The following RBM38 variants were observed in gnomAD, a reference collection of about 807,000 sequenced individuals.
RBM38 encodes the protein RNA-binding protein 38.
A neutral mutation model predicts 23.5 loss-of-function variants in RBM38; 11 were observed. That is an observed-to-expected ratio of 0.47 (90% CI 0.29 to 0.77). The LOEUF is 0.77. Among genes scored for constraint, RBM38 ranks in the 30% least tolerant of loss-of-function variants. RBM38 has a pLI of 0.08. For synonymous variants in RBM38, 165 were observed against 166.1 expected (o/e 0.99, Z 0.05); for missense variants, 330 against 351.9 (o/e 0.94, Z 0.50).
chr20:57,396,681 C>T (rs1215157023), intron 3 of RBM38, among the ~76,000 whole-genome samples: 2 of 152,128 alleles, frequency 1.3e-5, no homozygotes, highest in East Asian at 1.9e-4. Context: ...CTGGCCTCCA[C>T]CCCTAGAAGC....
intron 3 of RBM38, among the ~76,000 whole-genome samples, chr20:57,393,870 T>TGGG (rs1568805943): frequency 6.6e-6 from 1 of 152,174 alleles, no homozygotes; most frequent in Non-Finnish European, 1.5e-5. Context: ...GCCTGGCCTA[T>TGGG]GGGCTTCTAG....
At chr20:57,406,691 G>A (rs1401420961) in intron 3 of RBM38, among the ~76,000 whole-genome samples, 1 of 152,154 alleles carries the variant, frequency 6.6e-6, no homozygotes, top group Non-Finnish European at 1.5e-5. Flanking sequence ...TGCTGGCAGG[G>A]ACAGAAAGAA....
At chr20:57,400,179 C>T (rs184851831) in intron 3 of RBM38, among the ~76,000 whole-genome samples, 26 of 152,278 alleles carry the variant, frequency 1.7e-4, no homozygotes, top group Admixed American at 1.6e-3. Flanking sequence ...ATGGTCCATG[C>T]GACTTGGACA....
chr20:57,408,039 C>T lies in RBM38; in HGVS notation c.*193C>T, dbSNP rs911609507. The stretch of plus-strand genomic sequence containing the variant: ...AGACGGCTTCTCTTTAATCTAGGTC[C>T]CATTGTGTCTTGAGGGAGGACTTTA... On this transcript the variant is annotated 3_prime_UTR_variant, in exon 4 of 4. Coordinates refer to ENST00000356208, the MANE Select transcript of RBM38 (RefSeq NM_017495.6). 18 of 657,702 alleles carry T rather than the reference C, an allele frequency of 2.7e-5. No individual in the cohort carries two copies. Among genetic ancestry groups the T allele is most frequent in the Non-Finnish European group, 3.8e-5 (15 of 389,756 alleles). The allele number at this position is 657,702 out of a possible 1,614,324, so 40.7% of individuals were successfully genotyped here.
chr20:57,407,450 G>C lies in RBM38; in HGVS notation c.417-93G>C. 7.2e-7 allele frequency: 1 copy of C among 1,391,040 alleles called. No homozygotes were observed. The highest frequency in any genetic ancestry group is 9.8e-7 in the Non-Finnish European group (1 of 1,016,958). 86.2% of individuals were successfully genotyped at this position (1,391,040 alleles called of 1,614,324 possible). On this transcript the variant is annotated intron_variant, in intron 3 of 3. Coordinates refer to ENST00000356208, the MANE Select transcript of RBM38 (RefSeq NM_017495.6). The surrounding 1 kb of genome is among the most constrained non-coding windows in gnomAD (Gnocchi z 4.0). ...CCGATGAGGAAAGTCGGGGCTCGGGGTGGGGGGCGGCACGCATCGTGTACC... is the reference window on the plus strand; with the variant it reads ...CCGATGAGGAAAGTCGGGGCTCGGGCTGGGGGGCGGCACGCATCGTGTACC...
At chr20:57,399,932 G>A (rs770674148) in intron 3 of RBM38, 12 of 456,198 alleles carry the variant, frequency 2.6e-5, no homozygotes, top group East Asian at 1.4e-4. Context: ...TTTCAGAGGC[G>A]ACTTTATGTT....
Position 57,395,108 on chromosome 20 carries a change from G to C in RBM38, c.416+1775G>C, listed in dbSNP as rs184784542. Among the ~76,000 whole-genome samples, 555 of 152,366 alleles carry C rather than the reference G, an allele frequency of 3.6e-3. 4 individuals are homozygous for C. The highest frequency in any genetic ancestry group is 4.7e-3 in the Admixed American group (72 of 15,304). On this transcript the variant is annotated intron_variant, in intron 3 of 3. Transcript: ENST00000356208. ...ACAGGCATGTGGGCTGGGTGCTCTG[G>C]CCTCCTCAGAAGTCCTCTCCTGTCC...
At position 57,397,579 on chromosome 20, in the gene RBM38, G is replaced by A. The variant is rs1398981601; in HGVS notation, c.416+4246G>A. Among the ~76,000 whole-genome samples, 3 of 152,214 alleles carry A rather than the reference G, an allele frequency of 2.0e-5. No individual in the cohort carries two copies. The South Asian group carries it at 6.2e-4, about 31-fold the overall frequency. ...GCTGCCCTTACCATCACGGGGCCTTGGTGTGTGCACACCACGGGGCCTGGA... is the reference window on the plus strand; with the variant it reads ...GCTGCCCTTACCATCACGGGGCCTTAGTGTGTGCACACCACGGGGCCTGGA... On this transcript the variant is annotated intron_variant, in intron 3 of 3. Coordinates refer to ENST00000356208, the MANE Select transcript of RBM38 (RefSeq NM_017495.6).
Position 57,408,693 on chromosome 20 carries a change from T to TGGGATGGGCACCACAGAC in RBM38, c.*848_*865dup. On this transcript the variant is annotated 3_prime_UTR_variant, in exon 4 of 4. Transcript: ENST00000356208. ...GGCTCGCGGGCCAGGATCCTCTCGG[T>TGGGATGGGCACCACAGAC]GGGATGGGCACCACAGACAGGAGGC... 1 of 151,990 alleles carries TGGGATGGGCACCACAGAC rather than the reference T, an allele frequency of 6.6e-6. No homozygotes were observed. Among genetic ancestry groups the TGGGATGGGCACCACAGAC allele is most frequent in the African/African-American group, 2.4e-5 (1 of 41,296 alleles). The allele number at this position is 151,990 out of a possible 1,614,324, so 9.4% of individuals were successfully genotyped here.
intron 3 of RBM38, among the ~76,000 whole-genome samples, chr20:57,396,140 A>G (rs926484250): frequency 6.6e-6 from 1 of 152,130 alleles, no homozygotes. Flanking sequence ...AGAACTTTAC[A>G]CTTTATGCTA....
intron 3 of RBM38, among the ~76,000 whole-genome samples, chr20:57,399,418 G>C (rs192737220): frequency 6.6e-6 from 1 of 152,332 alleles, no homozygotes; most frequent in East Asian, 1.9e-4. Context: ...GCCTGCACCA[G>C]CGGCCCTGGT....
chr20:57,392,282 C>A, intron 1 of RBM38: 1 of 542,098 alleles, frequency 1.8e-6, no homozygotes. Context: ...TGCTTACCTT[C>A]CAAGCATAGC....
chr20:57,393,960 T>A (rs558209223), intron 3 of RBM38, among the ~76,000 whole-genome samples: 1 of 152,108 alleles, frequency 6.6e-6, no homozygotes, highest in Admixed American at 6.6e-5. Context: ...TTTTAAAACA[T>A]CTAGTAAGTC....
chr20:57,407,417 C>A lies in RBM38; in HGVS notation c.417-126C>A. On this transcript the variant is annotated intron_variant, in intron 3 of 3. Coordinates refer to ENST00000356208, the MANE Select transcript of RBM38 (RefSeq NM_017495.6). The surrounding 1 kb of genome is among the most constrained non-coding windows in gnomAD (Gnocchi z 4.0). ...ATCTGGCCAGGTGCTGTTTCTGTGC[C>A]CATCTGACCGATGAGGAAAGTCGGG... 1.8e-6 allele frequency: 2 copies of A among 1,095,972 alleles called. No homozygotes were observed. Among genetic ancestry groups the A allele is most frequent in the Non-Finnish European group, 2.6e-6 (2 of 755,654 alleles). 67.9% of individuals were successfully genotyped at this position (1,095,972 alleles called of 1,614,324 possible). A position where few individuals can be genotyped will look rare whatever the true frequency, so the allele number is the denominator to read the frequency against.
intron 3 of RBM38, among the ~76,000 whole-genome samples, chr20:57,405,868 G>A (rs1305830632): frequency 6.6e-6 from 1 of 152,210 alleles, no homozygotes; most frequent in African/African-American, 2.4e-5. Context: ...AGGGAGCACT[G>A]TGTTTTCAGT....
intron 3 of RBM38, among the ~76,000 whole-genome samples, chr20:57,403,317 G>C (rs550422184): frequency 6.6e-6 from 1 of 152,206 alleles, no homozygotes; most frequent in South Asian, 2.1e-4. Flanking sequence ...GTGCAGGGGC[G>C]AGGCGCAACC....
At chr20:57,406,498 G>C (rs746625955) in intron 3 of RBM38, among the ~76,000 whole-genome samples, 4 of 152,188 alleles carry the variant, frequency 2.6e-5, no homozygotes, top group Non-Finnish European at 5.9e-5. Flanking sequence ...CTCATGATGG[G>C]AAGACCAAGC....
At chr20:57,395,115 C>T (rs1429752725) in intron 3 of RBM38, among the ~76,000 whole-genome samples, 1 of 152,226 alleles carries the variant, frequency 6.6e-6, no homozygotes, top group East Asian at 1.9e-4. Context: ...CTGGCCTCCT[C>T]AGAAGTCCTC....
intron 3 of RBM38, among the ~76,000 whole-genome samples, chr20:57,404,123 C>T (rs2067356841): frequency 6.6e-6 from 1 of 152,230 alleles, no homozygotes; most frequent in Non-Finnish European, 1.5e-5. Context: ...AGCGCTCTGG[C>T]CCCGATGATG....
Sources: gnomAD v4.1 joint callset for allele counts (sites outside exome capture counted in the v4.1 genomes callset) on GRCh38, gnomAD v4.1.1 for gene constraint, Gnocchi (gnomAD v3.1) non-coding constraint, MANE v1.5 for transcripts, NCBI Gene and HGNC (gene_info 2026-07-23, HGNC 2026-07-21) for gene names.